Variants in TENM1 observed in about 807,000 individuals in gnomAD.
TENM1 encodes the protein teneurin-1.
In TENM1, 35 loss-of-function variants were observed where a neutral mutation model predicts 174.8. The ratio of observed to expected loss-of-function variants is 0.20; its 90% confidence interval spans 0.15 to 0.27. TENM1 has a LOEUF of 0.27. Ranked by LOEUF, TENM1 falls within the 10% of genes least tolerant of loss-of-function variation. The pLI is 1.00. For synonymous variants in TENM1, 781 were observed against 798.7 expected (o/e 0.98, Z 0.37); for missense variants, 1,633 against 2,130.1 (o/e 0.77, Z 4.59).
At chrX:125,174,271 A>C in the TENM1 span, among the ~76,000 whole-genome samples, 1 of 111,863 alleles carries the variant, frequency 8.9e-6, no homozygotes, top group South Asian at 3.7e-4. Flanking sequence ...TTATATAAGA[A>C]ATAGCAGTTA....
At chrX:124,767,340 G>A (rs2054558260) in intron 3 of TENM1, among the ~76,000 whole-genome samples, 1 of 111,453 alleles carries the variant, frequency 9.0e-6, no homozygotes, top group Non-Finnish European at 1.9e-5. Flanking sequence ...TGTGTGTTGT[G>A]TCAGTGAGGC....
chrX:125,027,477 T>C, the TENM1 span, among the ~76,000 whole-genome samples: 1 of 111,960 alleles, frequency 8.9e-6, no homozygotes, highest in Non-Finnish European at 1.9e-5. Context: ...AAATATGAAT[T>C]GTATTCAAAT....
At chrX:125,027,167 CAAGT>C in the TENM1 span, among the ~76,000 whole-genome samples, 11 of 111,800 alleles carry the variant, frequency 9.8e-5, no homozygotes, top group South Asian at 4.1e-3. Flanking sequence ...CAGAAAAATC[CAAGT>C]GAGTACAAAT....
At chrX:124,957,138 G>A (rs953862719) in intron 1 of TENM1, among the ~76,000 whole-genome samples, 1 of 111,764 alleles carries the variant, frequency 8.9e-6, no homozygotes, top group Admixed American at 9.5e-5. Flanking sequence ...CTGGTACATA[G>A]TTTACATTAA....
chrX:124,655,886 A>G (rs922720639), intron 6 of TENM1, among the ~76,000 whole-genome samples: 4 of 111,835 alleles, frequency 3.6e-5, no homozygotes, highest in Non-Finnish European at 7.5e-5. Flanking sequence ...AGACAGATCA[A>G]TTTGGCCCCT....
chrX:125,110,399 C>T, the TENM1 span, among the ~76,000 whole-genome samples: 1 of 111,357 alleles, frequency 9.0e-6, no homozygotes, highest in Non-Finnish European at 1.9e-5. Context: ...CTTCCCTTTC[C>T]ATCCCAAAAG....
At chrX:124,890,354 A>C (rs1023215619) in intron 3 of TENM1, among the ~76,000 whole-genome samples, 18 of 111,885 alleles carry the variant, frequency 1.6e-4, no homozygotes, top group African/African-American at 5.2e-4. Context: ...GTTGATACTT[A>C]AGTAGGACTG....
At chrX:124,988,322 T>A in the TENM1 span, among the ~76,000 whole-genome samples, 1 of 111,915 alleles carries the variant, frequency 8.9e-6, no homozygotes. Context: ...TTCAACATCA[T>A]AGATGGAATT....
the TENM1 span, among the ~76,000 whole-genome samples, chrX:125,156,223 G>T: frequency 2.1e-4 from 24 of 111,799 alleles, 1 homozygote; most frequent in African/African-American, 7.5e-4. Flanking sequence ...GTAACCATCC[G>T]CAGGCCTCTA....
chrX:125,162,184 T>C, the TENM1 span, among the ~76,000 whole-genome samples: 1 of 112,122 alleles, frequency 8.9e-6, no homozygotes, highest in Non-Finnish European at 1.9e-5. Context: ...ATACTGTAGA[T>C]GGAAGAGTTA....
chrX:124,730,445 T>C (rs1402216440), intron 4 of TENM1, among the ~76,000 whole-genome samples: 1 of 111,562 alleles, frequency 9.0e-6, no homozygotes, highest in Non-Finnish European at 1.9e-5. Context: ...TTTACTATTA[T>C]CCTTACTTTA....
At chrX:124,510,979 G>A (rs1338211922) in intron 18 of TENM1, among the ~76,000 whole-genome samples, 3 of 112,205 alleles carry the variant, frequency 2.7e-5, no homozygotes, top group Non-Finnish European at 5.6e-5. Flanking sequence ...AGTTTGAAAT[G>A]GGCACAAGAC....
chrX:124,811,884 C>T (rs978740808), intron 3 of TENM1, among the ~76,000 whole-genome samples: 1 of 111,071 alleles, frequency 9.0e-6, no homozygotes, highest in African/African-American at 3.3e-5. Flanking sequence ...GCCTGCAGGA[C>T]ATTATGTTAA....
chrX:125,187,433 T>C, the TENM1 span, among the ~76,000 whole-genome samples: 1 of 111,584 alleles, frequency 9.0e-6, no homozygotes, highest in Non-Finnish European at 1.9e-5. Context: ...CAGAGAGGTA[T>C]GTATAAGAAT....
the TENM1 span, among the ~76,000 whole-genome samples, chrX:125,052,944 C>T: frequency 6.3e-5 from 7 of 111,947 alleles, no homozygotes; most frequent in South Asian, 3.7e-4. Flanking sequence ...AGGTATACAA[C>T]GTGAATGCTT....
intron 3 of TENM1, among the ~76,000 whole-genome samples, chrX:124,778,523 C>T (rs886583439): frequency 8.9e-6 from 1 of 111,858 alleles, no homozygotes; most frequent in African/African-American, 3.2e-5. Context: ...CAAAAATTTG[C>T]TTTTGAGGAC....
At chrX:125,050,709 T>C in the TENM1 span, among the ~76,000 whole-genome samples, 1 of 111,434 alleles carries the variant, frequency 9.0e-6, no homozygotes, top group African/African-American at 3.3e-5. Context: ...ATGGTATTTC[T>C]AGTTCTAGAT....
At chrX:124,598,180 G>C (rs1250108531) in intron 11 of TENM1, among the ~76,000 whole-genome samples, 3 of 103,556 alleles carry the variant, frequency 2.9e-5, no homozygotes, top group Non-Finnish European at 5.9e-5. Context: ...ACTGTAATGA[G>C]AAATCATCTA....
In TENM1 at chrX:124,459,645, G is replaced by T. The variant is rs554634007; in HGVS notation, c.3950-6154C>A. ...ACCCAAAACTATAAAAACCCTGGAA[G>T]AAAACCTAGGCAATACCATTCCAGA... On this transcript the variant is annotated intron_variant, in intron 22 of 31. Transcript: ENST00000422452. 2.1e-4 allele frequency among the ~76,000 whole-genome samples: 24 copies of T among 111,803 alleles called. No individual in the cohort carries two copies. In the South Asian group the frequency reaches 8.7e-3, roughly 41 times the overall value.
Sources: allele counts gnomAD v4.1 joint callset (sites outside exome capture counted in the v4.1 genomes callset), GRCh38; gene constraint gnomAD v4.1.1; transcripts MANE v1.5; gene names NCBI Gene and HGNC (gene_info 2026-07-23, HGNC 2026-07-21).